RPL30: variants seen among roughly 807,000 people sequenced by gnomAD.
RPL30 encodes the protein large ribosomal subunit protein eL30.
For missense variants in RPL30, 60 were observed against 138.0 expected (o/e 0.43, Z 2.83); for synonymous variants, 40 against 50.4 (o/e 0.79, Z 0.87).
intron 3 of RPL30, chr8:98,043,485 A>G (rs1490931585): frequency 6.8e-6 from 1 of 146,850 alleles, no homozygotes; most frequent in East Asian, 2.0e-4. Flanking sequence ...TAAGTGGAGG[A>G]TCCAGAATCT....
rs1814379211 is a variant in RPL30 at position 98,041,739 on chromosome 8, T to C, written c.*62A>G. ...TACAATGTTTTTAAAACAAGCAAAT[T>C]TTATTAAAGGAAAATTTTGCAGGTT... On this transcript the variant is annotated 3_prime_UTR_variant, in exon 5 of 5. Transcript: ENST00000287038. The C allele has an allele frequency of 8.9e-7, 1 of 1,129,018 alleles. No individual in the cohort carries two copies. Among genetic ancestry groups the C allele is most frequent in the Non-Finnish European group, 1.3e-6 (1 of 764,796 alleles). 69.9% of individuals were successfully genotyped at this position (1,129,018 alleles called of 1,614,324 possible).
Position 98,041,877 on chromosome 8 carries a change from A to G in RPL30, c.299-27T>C, listed in dbSNP as rs1252606899. On this transcript the variant is annotated intron_variant, in intron 4 of 4. Transcript: ENST00000287038. Reference sequence around the variant, plus strand: ...TAAAAAATAAAAATAAAAAAACAGTAATTTTACAATTCATTTAATAGCAAC... The same window carrying G: ...TAAAAAATAAAAATAAAAAAACAGTGATTTTACAATTCATTTAATAGCAAC... 2.7e-6 allele frequency: 4 copies of G among 1,492,934 alleles called. No homozygotes were observed. In the South Asian group the frequency reaches 4.7e-5, roughly 18 times the overall value. The allele number at this position is 1,492,934 out of a possible 1,614,324, so 92.5% of individuals were successfully genotyped here. A position where few individuals can be genotyped will look rare whatever the true frequency, so the allele number is the denominator to read the frequency against.
chr8:98,042,654 T>C lies in RPL30; in HGVS notation c.289A>G (p.Ile97Val), dbSNP rs776163436. 1.9e-6 allele frequency: 3 copies of C among 1,608,560 alleles called. No homozygotes were observed. Among genetic ancestry groups the C allele is most frequent in the South Asian group, 1.1e-5 (1 of 89,946 alleles). The stretch of plus-strand genomic sequence containing the variant: ...GATTTAAAAAGCATACCTGGATCAA[T>C]GATAGCCAGTGTGCACACTCTGTAG... ...KYYRVCTLAIIDPGDSDIIRS... is the reference protein window; with the variant it reads ...KYYRVCTLAIVDPGDSDIIRS... Residue 97 changes from isoleucine to valine, a missense_variant, in exon 4 of 5, where the codon ATT becomes GTT. Transcript: ENST00000287038.
At chr8:98,042,982 A>G (rs1814406197) in intron 3 of RPL30, 1 of 468,270 alleles carries the variant, frequency 2.1e-6, no homozygotes, top group Non-Finnish European at 3.8e-6. Flanking sequence ...CAACCAGCAA[A>G]TATCTAATCA....
At chr8:98,042,257 G>A (rs748357740) in intron 4 of RPL30, 8 of 511,546 alleles carry the variant, frequency 1.6e-5, no homozygotes, top group South Asian at 1.2e-4. Context: ...AAAACAGAAT[G>A]ATGTAGATTT....
In RPL30 at chr8:98,041,733, G is replaced by T; in HGVS notation, c.*68C>A. ...AATAGATACAATGTTTTTAAAACAA[G>T]CAAATTTTATTAAAGGAAAATTTTG... On this transcript the variant is annotated 3_prime_UTR_variant, in exon 5 of 5. Transcript: ENST00000287038. The T allele has an allele frequency of 9.8e-7, 1 of 1,024,126 alleles. No homozygotes were observed. The highest frequency in any genetic ancestry group is 1.5e-6 in the Non-Finnish European group (1 of 665,868). 63.4% of individuals were successfully genotyped at this position (1,024,126 alleles called of 1,614,324 possible). A position where few individuals can be genotyped will look rare whatever the true frequency, so the allele number is the denominator to read the frequency against.
At chr8:98,042,230 C>A in intron 4 of RPL30, 1 of 527,512 alleles carries the variant, frequency 1.9e-6, no homozygotes, top group South Asian at 1.5e-5. Flanking sequence ...TTCTATGAAT[C>A]AAAGATTCAC....
Position 98,045,332 on chromosome 8 carries a change from G to A in RPL30, c.21+15C>T, listed in dbSNP as rs113903310. On this transcript the variant is annotated intron_variant, in intron 2 of 4. Transcript: ENST00000287038. ...CCACGTGAATCGTCTTCCGGGCCTG[G>A]CCCGCCTCACTCACCGTCTTCTTTG... 1.5e-5 allele frequency: 24 copies of A among 1,614,106 alleles called. No individual in the cohort carries two copies. In the African/African-American group the frequency reaches 2.0e-4, roughly 13 times the overall value.
Position 98,041,810 on chromosome 8 carries a change from A to T in RPL30, c.339T>A (p.Gly113=). The T allele has an allele frequency of 6.2e-7, 1 of 1,601,384 alleles. No individual in the cohort carries two copies. The highest frequency in any genetic ancestry group is 8.5e-7 in the Non-Finnish European group (1 of 1,174,742). Residue 113 remains glycine, a synonymous_variant, in exon 5 of 5, where the codon GGT becomes GGA. Transcript: ENST00000287038. The part of the protein sequence containing the change: ...DIIRSMPEQT[G]EK Reference sequence around the variant, plus strand: ...TTGTAGGTGAAAAGGTTTACTTTTCACCAGTCTGTTCTGGCATGCTTCTAA... The same window carrying T: ...TTGTAGGTGAAAAGGTTTACTTTTCTCCAGTCTGTTCTGGCATGCTTCTAA...
chr8:98,044,779 G>A, intron 3 of RPL30, 164 bp downstream of exon 3: 1 of 699,766 alleles, frequency 1.4e-6, no homozygotes. Context: ...ACGATTTGGG[G>A]GTGGGTCGGG....
chr8:98,042,608 C>A (rs879111868), intron 4 of RPL30, 37 bp downstream of exon 4: 382 of 1,458,416 alleles, frequency 2.6e-4, no homozygotes, highest in African/African-American at 4.8e-4. Flanking sequence ...ATTAGAAAGG[C>A]AAAAAAAAAA....
intron 3 of RPL30, chr8:98,043,028 G>C (rs867663969): frequency 3.3e-6 from 1 of 303,822 alleles, no homozygotes. Context: ...CAATACTCAC[G>C]GAAGAGGGTA....
chr8:98,042,919 T>C, intron 3 of RPL30, 144 bp from the exon 4 acceptor site: 2 of 739,796 alleles, frequency 2.7e-6, no homozygotes, highest in Non-Finnish European at 2.1e-6. Context: ...AAACATCATA[T>C]TCATTATCCA....
chr8:98,042,941 C>T, intron 3 of RPL30, 166 bp from the exon 4 acceptor site: 1 of 581,744 alleles, frequency 1.7e-6, no homozygotes, highest in South Asian at 2.6e-5. Flanking sequence ...TACAAACCAA[C>T]ATTTGTATGT....
chr8:98,041,773 G>A lies in RPL30; in HGVS notation c.*28C>T. ...GGAAAATTTTGCAGGTTTAAGGTTT[G>A]CAGGTGAAATTTTGTAGGTGAAAAG... is the stretch of plus-strand genomic sequence containing the variant. On this transcript the variant is annotated 3_prime_UTR_variant, in exon 5 of 5. Coordinates refer to ENST00000287038, the MANE Select transcript of RPL30 (RefSeq NM_000989.4). 6.5e-7 allele frequency: 1 copy of A among 1,547,950 alleles called. No homozygotes were observed. The highest frequency in any genetic ancestry group is 8.8e-7 in the Non-Finnish European group (1 of 1,131,398).
rs753069430 is a variant in RPL30 at position 98,042,730 on chromosome 8, G to T, written c.213C>A (p.Val71=). ...CAATATTATTGCCACTGTAGTGATGGACACCAGTTTTAGCCAACATAGCAT... is the reference window on the plus strand; with the variant it reads ...CAATATTATTGCCACTGTAGTGATGTACACCAGTTTTAGCCAACATAGCAT... The part of the protein sequence containing the change: ...EYYAMLAKTG[V]HHYSGNNIEL... The change falls in exon 4 of 5, where the codon GTC becomes GTA. Residue 71 remains valine, a synonymous_variant. Coordinates refer to ENST00000287038, the MANE Select transcript of RPL30 (RefSeq NM_000989.4). 1.2e-6 allele frequency: 2 copies of T among 1,601,838 alleles called. No homozygotes were observed. The highest frequency in any genetic ancestry group is 2.7e-5 in the African/African-American group (2 of 73,944).
At chr8:98,041,990 C>T in intron 4 of RPL30, 140 bp from the exon 5 acceptor site, 1 of 724,242 alleles carries the variant, frequency 1.4e-6, no homozygotes, top group Non-Finnish European at 2.5e-6. Flanking sequence ...AAAGTTATCA[C>T]ATTAGCTGTA....
intron 3 of RPL30, 180 bp downstream of exon 3, chr8:98,044,763 G>A (rs1002787416): frequency 3.2e-6 from 2 of 620,726 alleles, no homozygotes; most frequent in Non-Finnish European, 2.8e-6. Context: ...CACAGAAGGG[G>A]AGCACACGAT....
chr8:98,044,821 C>A, intron 3 of RPL30, 122 bp downstream of exon 3: 1 of 1,136,736 alleles, frequency 8.8e-7, no homozygotes, highest in Non-Finnish European at 1.3e-6. Context: ...ACACCACAAT[C>A]GCTACCGTAA....
Sources: gnomAD v4.1 joint callset for allele counts on GRCh38, gnomAD v4.1.1 for gene constraint, MANE v1.5 for transcripts, NCBI Gene and HGNC (gene_info 2026-07-23, HGNC 2026-07-21) for gene names.